The following PHF21A variants were observed in gnomAD, a reference collection of about 807,000 sequenced individuals.
PHF21A encodes BHC80a.
A neutral mutation model predicts 82.5 loss-of-function variants in PHF21A; 11 were observed. That is an observed-to-expected ratio of 0.13 (90% CI 0.08 to 0.22). The LOEUF (loss-of-function observed/expected upper bound fraction) is 0.22, where lower values mean the gene tolerates loss of function less well. PHF21A is among the 10% of genes least tolerant of loss of function. PHF21A has a pLI of 1.00. For synonymous variants in PHF21A, 297 were observed against 302.8 expected (o/e 0.98, Z 0.20); for missense variants, 579 against 837.8 (o/e 0.69, Z 3.81).
chr11:46,081,918 G>C lies in PHF21A; in HGVS notation c.54+2248C>G, dbSNP rs538266094. ...CCCACAAAGCCAGAAATATTTTACTGTGTGTCCCTTTACAAAAAAATTTGC... is the reference window on the plus strand; with the variant it reads ...CCCACAAAGCCAGAAATATTTTACTCTGTGTCCCTTTACAAAAAAATTTGC... On this transcript the variant is annotated intron_variant, in intron 4 of 18. Transcript: ENST00000676320. Among the ~76,000 whole-genome samples the C allele has an allele frequency of 6.6e-5, 10 of 152,308 alleles. 1 individual carries two copies. In the South Asian group the frequency reaches 8.3e-4, roughly 13 times the overall value.
chr11:45,930,028 TCCATCTCATTACCCTAAGAGC>T lies in PHF21A; in HGVS notation c.*3919_*3939del, dbSNP rs1173086191. ...CCTGGAAAATGCACCTGGGCCACCA[TCCATCTCATTACCCTAAGAGC>T]CTTTTGCCCCTGGGTAAAAAGTCTC... is the stretch of plus-strand genomic sequence containing the variant. On this transcript the variant is annotated 3_prime_UTR_variant, in exon 19 of 19. Coordinates refer to ENST00000676320, the MANE Select transcript of PHF21A (RefSeq NM_001352027.3). 6.6e-6 allele frequency: 1 copy of T among 152,296 alleles called. No homozygotes were observed. The highest frequency in any genetic ancestry group is 1.5e-5 in the Non-Finnish European group (1 of 68,074). The allele number at this position is 152,296 out of a possible 1,614,324, so 9.4% of individuals were successfully genotyped here. A position where few individuals can be genotyped will look rare whatever the true frequency, so the allele number is the denominator to read the frequency against.
At chr11:46,060,602 T>TA (rs2096523292) in intron 6 of PHF21A, among the ~76,000 whole-genome samples, 1 of 152,254 alleles carries the variant, frequency 6.6e-6, no homozygotes, top group African/African-American at 2.4e-5. Context: ...ATATGATTGT[T>TA]GGCCACATGT....
chr11:45,949,136 G>C (rs117648251), intron 13 of PHF21A, among the ~76,000 whole-genome samples, 190 bp from the exon 14 acceptor site: 1 of 152,170 alleles, frequency 6.6e-6, no homozygotes. Flanking sequence ...AGAGAAGCCT[G>C]CCTCTGTTGC....
In PHF21A at chr11:45,935,830, T is replaced by C; in HGVS notation, c.1685-91A>G. 9 of 695,422 alleles carry C rather than the reference T, an allele frequency of 1.3e-5. No homozygotes were observed. The South Asian group carries it at 1.5e-4, about 12-fold the overall frequency. The allele number at this position is 695,422 out of a possible 1,614,324, so 43.1% of individuals were successfully genotyped here. Reference sequence around the variant, plus strand: ...TGCTCAGAATGCCTGCCAAAGAAGGTATTTTCCCCAGAGCTCCCATGAGTC... The same window carrying C: ...TGCTCAGAATGCCTGCCAAAGAAGGCATTTTCCCCAGAGCTCCCATGAGTC... On this transcript the variant is annotated intron_variant, in intron 17 of 18. Transcript: ENST00000676320.
chr11:45,994,757 A>G (rs990108910), intron 6 of PHF21A, among the ~76,000 whole-genome samples: 2 of 152,168 alleles, frequency 1.3e-5, no homozygotes, highest in Non-Finnish European at 2.9e-5. Flanking sequence ...TCTGCAACCC[A>G]GCTCGCTTAG....
intron 1 of PHF21A, among the ~76,000 whole-genome samples, chr11:46,120,729 C>T (rs1430897349): frequency 6.6e-6 from 1 of 151,754 alleles, no homozygotes; most frequent in African/African-American, 2.4e-5. Context: ...TCCCACACAC[C>T]CCTCCCCTCC....
chr11:45,981,392 CAAAAAAAAAAAAAAA>C (rs59866051), intron 6 of PHF21A, among the ~76,000 whole-genome samples: 2 of 60,264 alleles, frequency 3.3e-5, no homozygotes, highest in African/African-American at 1.4e-4. Flanking sequence ...AACCCTGTCT[CAAAAAAAAAAAAAAA>C]AAAAAAAAAA....
chr11:45,942,272 G>A (rs1294490657), intron 15 of PHF21A, among the ~76,000 whole-genome samples: 2 of 152,170 alleles, frequency 1.3e-5, no homozygotes, highest in Non-Finnish European at 2.9e-5. Context: ...GTTGATGAGT[G>A]GATCCTTTGG....
intron 6 of PHF21A, among the ~76,000 whole-genome samples, chr11:46,003,391 T>C (rs2095206477): frequency 6.6e-6 from 1 of 151,974 alleles, no homozygotes; most frequent in Non-Finnish European, 1.5e-5. Flanking sequence ...ATAATACCTA[T>C]CCTCTCCCCC....
chr11:46,077,139 A>C (rs750804686), intron 5 of PHF21A, among the ~76,000 whole-genome samples: 21 of 152,262 alleles, frequency 1.4e-4, no homozygotes, highest in Non-Finnish European at 1.5e-5. Context: ...ATCCATTGAC[A>C]GAAAACCCAA....
At chr11:46,094,176 A>G (rs1177814391) in intron 1 of PHF21A, among the ~76,000 whole-genome samples, 4 of 152,222 alleles carry the variant, frequency 2.6e-5, no homozygotes, top group Non-Finnish European at 5.9e-5. Context: ...CTGAAAAGTC[A>G]TATTCAACAA....
intron 17 of PHF21A, 117 bp downstream of exon 17, chr11:45,936,377 G>A (rs2089046558): frequency 1.5e-6 from 1 of 664,144 alleles, no homozygotes; most frequent in Non-Finnish European, 2.6e-6. Context: ...AATAGTTAAG[G>A]GCAAAAGGTT....
At chr11:46,064,005 T>A (rs544039116) in intron 6 of PHF21A, among the ~76,000 whole-genome samples, 19 of 152,158 alleles carry the variant, frequency 1.2e-4, no homozygotes, top group Non-Finnish European at 2.6e-4. Context: ...AAAACAAATT[T>A]CAAGTTCTGT....
chr11:45,990,630 C>T (rs1162550156), intron 6 of PHF21A, among the ~76,000 whole-genome samples: 2 of 151,904 alleles, frequency 1.3e-5, no homozygotes, highest in Non-Finnish European at 2.9e-5. Flanking sequence ...TATTGTTCTC[C>T]AGTTTCTACA....
chr11:45,980,077 A>T, intron 6 of PHF21A, 111 bp from the exon 7 acceptor site: 1 of 1,475,068 alleles, frequency 6.8e-7, no homozygotes, highest in Non-Finnish European at 9.1e-7. Flanking sequence ...AAAACTTATT[A>T]CATCTAAATT....
chr11:45,977,747 T>G (rs1048856884), intron 7 of PHF21A, among the ~76,000 whole-genome samples: 1 of 152,198 alleles, frequency 6.6e-6, no homozygotes, highest in African/African-American at 2.4e-5. Flanking sequence ...TTATGTAGGC[T>G]GTCCTAGCTA....
At chr11:46,048,338 T>G (rs560679212) in intron 6 of PHF21A, among the ~76,000 whole-genome samples, 1 of 152,368 alleles carries the variant, frequency 6.6e-6, no homozygotes, top group South Asian at 2.1e-4. Context: ...ATTCTATATG[T>G]AGTACTTCAT....
At chr11:46,089,424 GACA>G (rs2096897011) in intron 3 of PHF21A, among the ~76,000 whole-genome samples, 2 of 151,866 alleles carry the variant, frequency 1.3e-5, no homozygotes, top group Non-Finnish European at 2.9e-5. Context: ...CAATACAAAT[GACA>G]ACATTAAAAA....
intron 15 of PHF21A, among the ~76,000 whole-genome samples, chr11:45,944,040 T>C (rs2090882466): frequency 6.6e-6 from 1 of 152,090 alleles, no homozygotes; most frequent in African/African-American, 2.4e-5. Context: ...AAACAGACAA[T>C]ATCATGACAA....
Sources: gnomAD v4.1 joint callset for allele counts (sites outside exome capture counted in the v4.1 genomes callset) on GRCh38, gnomAD v4.1.1 for gene constraint, MANE v1.5 for transcripts, NCBI Gene and HGNC (gene_info 2026-07-23, HGNC 2026-07-21) for gene names.